Variants in ZNF746 observed in about 807,000 individuals in gnomAD.
ZNF746 encodes parkin-interacting substrate.
In ZNF746, 13 loss-of-function variants were observed where a neutral mutation model predicts 41.0. The observed-to-expected ratio is 0.32, with a 90% CI of 0.21 to 0.50. The LOEUF is 0.50. ZNF746 is among the 20% of genes least tolerant of loss of function. The pLI is 0.98. For missense variants in ZNF746, 811 were observed against 922.9 expected, an observed-to-expected ratio of 0.88 and a Z score of 1.57; for synonymous variants, 424 against 396.2, an observed-to-expected ratio of 1.07 and a Z score of -0.83.
At chr7:149,495,868 C>G (rs1330756125) in intron 1 of ZNF746, among the ~76,000 whole-genome samples, 1 of 152,188 alleles carries the variant, frequency 6.6e-6, no homozygotes, top group Non-Finnish European at 1.5e-5. Flanking sequence ...CTGGGAGATT[C>G]TGGACAAGCT....
intron 4 of ZNF746, among the ~76,000 whole-genome samples, chr7:149,481,001 G>A (rs1800469122): frequency 6.6e-6 from 1 of 152,148 alleles, no homozygotes; most frequent in Admixed American, 6.5e-5. Flanking sequence ...AGTGATTAAA[G>A]CAGGATAAAA....
rs182872140 is a variant in ZNF746 at position 149,497,132 on chromosome 7, C to A, written c.24+381G>T. The A allele has an allele frequency of 1.0e-6, 1 of 985,352 alleles. No homozygotes were observed. The allele number at this position is 985,352 out of a possible 1,614,324, so 61.0% of individuals were successfully genotyped here. ...CGGACACCTCCCAGGTGCCACCAGG[C>A]CGCTGCGGGGGAGATGGAGAGGGAC... is the stretch of plus-strand genomic sequence containing the variant. On this transcript the variant is annotated intron_variant, in intron 1 of 6. Coordinates refer to ENST00000458143, the MANE Select transcript of ZNF746 (RefSeq NM_001394198.1). The surrounding 1 kb of genome is among the most constrained non-coding windows in gnomAD (Gnocchi z 4.2).
At chr7:149,493,395 C>T (rs911727898) in intron 3 of ZNF746, among the ~76,000 whole-genome samples, 8 of 152,228 alleles carry the variant, frequency 5.3e-5, no homozygotes, top group African/African-American at 1.9e-4. Context: ...ACAGGTCTCA[C>T]TGCCCTCGGC....
Position 149,473,420 on chromosome 7 carries a change from A to G in ZNF746, c.*964T>C, listed in dbSNP as rs888531507. The G allele has an allele frequency of 6.6e-6, 1 of 152,252 alleles. No individual in the cohort carries two copies. Among genetic ancestry groups the G allele is most frequent in the African/African-American group, 2.4e-5 (1 of 41,466 alleles). 9.4% of individuals were successfully genotyped at this position (152,252 alleles called of 1,614,324 possible). A position where few individuals can be genotyped will look rare whatever the true frequency, so the allele number is the denominator to read the frequency against. On this transcript the variant is annotated 3_prime_UTR_variant, in exon 7 of 7. Coordinates refer to ENST00000458143, the MANE Select transcript of ZNF746 (RefSeq NM_001394198.1). ...CCCCTCTGAGCAGTTTGCACCTCTA[A>G]AAAGAAATCCCTGTCCTGCTGCTTC...
intron 5 of ZNF746, 30 bp from the exon 6 acceptor site, chr7:149,477,077 G>A: frequency 1.3e-6 from 2 of 1,599,200 alleles, no homozygotes; most frequent in South Asian, 1.1e-5. Context: ...GAGCCGGTGG[G>A]TTAGGGGACG....
At chr7:149,493,842 C>T in intron 3 of ZNF746, 147 bp downstream of exon 3, 1 of 1,342,466 alleles carries the variant, frequency 7.4e-7, no homozygotes, top group Non-Finnish European at 1.0e-6. Context: ...TCACCCAGGG[C>T]TCATCCTTCA....
rs1175065327 is a variant in ZNF746 at position 149,492,852 on chromosome 7, C to T, written c.565+7G>A. The T allele has an allele frequency of 6.2e-7, 1 of 1,605,088 alleles. No homozygotes were observed. The highest frequency in any genetic ancestry group is 1.1e-5 in the South Asian group (1 of 90,698). ...TGATGCCTCCCTGGCCTTCTCCCAGCCCTTACCTGGACTGGGGTCCACAGG... is the reference window on the plus strand; with the variant it reads ...TGATGCCTCCCTGGCCTTCTCCCAGTCCTTACCTGGACTGGGGTCCACAGG... On this transcript the variant is annotated splice_region_variant and intron_variant, in intron 4 of 6. Transcript: ENST00000458143.
chr7:149,475,155 T>C lies in ZNF746; in HGVS notation c.1212A>G (p.Pro404=). ...RWGWNFRCKP[P]VGLNPRTGPE... ...GCCCCGTCCTCGGGTTCAGGCCCAC[T>C]GGCGGTTTACACCGGAAATTCCAGC... is the stretch of plus-strand genomic sequence containing the variant. The change falls in exon 7 of 7, where the codon CCA becomes CCG. Residue 404 remains proline (P), a synonymous_variant. Transcript: ENST00000458143. 6.2e-7 allele frequency: 1 copy of C among 1,612,660 alleles called. No homozygotes were observed. The highest frequency in any genetic ancestry group is 8.5e-7 in the Non-Finnish European group (1 of 1,179,798).
chr7:149,482,467 G>GTTTT (rs35195599), intron 4 of ZNF746, among the ~76,000 whole-genome samples: 2 of 144,662 alleles, frequency 1.4e-5, no homozygotes, highest in African/African-American at 2.5e-5. Flanking sequence ...TAATTCTAAG[G>GTTTT]TTTTTTTTTT....
Position 149,475,293 on chromosome 7 carries a change from CACAGGGT to C in ZNF746, c.1067_1073del (p.Asp356GlyfsTer50). On this transcript the variant is annotated frameshift_variant, in exon 7 of 7. Coordinates refer to ENST00000458143, the MANE Select transcript of ZNF746 (RefSeq NM_001394198.1). LOFTEE classifies it low-confidence loss of function (END_TRUNC). ...GCCGGGCGGGCTCTCGCAGCCCCAG[CACAGGGT>C]CCTGGCTGGGGAAGGAGCTGCCCTG... The C allele has an allele frequency of 6.2e-7, 1 of 1,613,870 alleles. No individual in the cohort carries two copies. Among genetic ancestry groups the C allele is most frequent in the Non-Finnish European group, 8.5e-7 (1 of 1,179,950 alleles).
intron 6 of ZNF746, 137 bp from the exon 7 acceptor site, chr7:149,475,620 G>A (rs1393280587): frequency 2.9e-6 from 4 of 1,395,372 alleles, no homozygotes; most frequent in Non-Finnish European, 3.8e-6. Context: ...CCAGAGGGCA[G>A]CTCAGCAGAG....
chr7:149,477,956 G>A (rs928824245), intron 4 of ZNF746: 7 of 463,818 alleles, frequency 1.5e-5, no homozygotes, highest in African/African-American at 1.4e-4. Context: ...ATGCGGGTAG[G>A]GTAGGAAAGG....
chr7:149,484,950 A>T (rs1800578869), intron 4 of ZNF746, among the ~76,000 whole-genome samples: 1 of 152,112 alleles, frequency 6.6e-6, no homozygotes, highest in Non-Finnish European at 1.5e-5. Flanking sequence ...AAAGAAAACA[A>T]AAGAGGAAGA....
At chr7:149,492,381 T>C (rs1800833095) in intron 4 of ZNF746, among the ~76,000 whole-genome samples, 2 of 152,254 alleles carry the variant, frequency 1.3e-5, no homozygotes, top group Admixed American at 1.3e-4. Context: ...TAAGTATCAC[T>C]ATGTAACACA....
At chr7:149,486,241 A>C (rs1332122594) in intron 4 of ZNF746, among the ~76,000 whole-genome samples, 1 of 152,138 alleles carries the variant, frequency 6.6e-6, no homozygotes, top group African/African-American at 2.4e-5. Context: ...GGTGAGGATG[A>C]GGTGTGATTG....
In ZNF746 at chr7:149,497,181, G is replaced by A. The variant is rs1409456017; in HGVS notation, c.24+332C>T. 3.0e-6 allele frequency: 3 copies of A among 985,220 alleles called. No individual in the cohort carries two copies. The highest frequency in any genetic ancestry group is 6.1e-5 in the Admixed American group (1 of 16,266). The allele number at this position is 985,220 out of a possible 1,614,324, so 61.0% of individuals were successfully genotyped here. The stretch of plus-strand genomic sequence containing the variant: ...ACCTACAGGCCGAGCGCCAGGCAGA[G>A]AAAGGAGCCGCGGGTGGGGGGGCAC... On this transcript the variant is annotated intron_variant, in intron 1 of 6. Coordinates refer to ENST00000458143, the MANE Select transcript of ZNF746 (RefSeq NM_001394198.1). The surrounding 1 kb of genome is among the most constrained non-coding windows in gnomAD (Gnocchi z 4.2).
At chr7:149,490,228 C>T (rs1468392537) in intron 4 of ZNF746, 1 of 152,428 alleles carries the variant, frequency 6.6e-6, no homozygotes, top group Non-Finnish European at 1.5e-5. Context: ...CTGTTCTCAG[C>T]TGTGCACCAT....
In ZNF746 at chr7:149,497,517, G is replaced by A. The variant is rs1213385373; in HGVS notation, c.20C>T (p.Ala7Val). 7 of 1,102,402 alleles carry A rather than the reference G, an allele frequency of 6.3e-6. No homozygotes were observed. Among genetic ancestry groups the A allele is most frequent in the Non-Finnish European group, 7.7e-6 (7 of 907,704 alleles). 68.3% of individuals were successfully genotyped at this position (1,102,402 alleles called of 1,614,324 possible). Residue 7 changes from alanine (A) to valine (V), a missense_variant, in exon 1 of 7, where the codon GCT (alanine) becomes GTT (valine). Physicochemically the swap from Ala to Val is moderately conservative, Grantham distance 64. Coordinates refer to ENST00000458143, the MANE Select transcript of ZNF746 (RefSeq NM_001394198.1). The surrounding 1 kb of genome is among the most constrained non-coding windows in gnomAD (Gnocchi z 4.2). The stretch of plus-strand genomic sequence containing the variant: ...GCGCGCGCGGGTCGCCCTTACCGGA[G>A]CCGCGACCGCCTCGGCCATGGCCCT... MAEAVAAPISPWTMAAT... is the reference protein window; with the variant it reads MAEAVAVPISPWTMAAT...
At position 149,497,246 on chromosome 7, in the gene ZNF746, C is replaced by A. The variant is rs1298413874; in HGVS notation, c.24+267G>T. 1 of 984,392 alleles carries A rather than the reference C, an allele frequency of 1.0e-6. No homozygotes were observed. The highest frequency in any genetic ancestry group is 1.7e-5 in the African/African-American group (1 of 57,222). 61.0% of individuals were successfully genotyped at this position (984,392 alleles called of 1,614,324 possible). A position where few individuals can be genotyped will look rare whatever the true frequency, so the allele number is the denominator to read the frequency against. ...CAGCGGCTGGGGCGGGGGCAGGAAGCCCCGGAGGGCCCAAAGAACTTGGCG... is the reference window on the plus strand; with the variant it reads ...CAGCGGCTGGGGCGGGGGCAGGAAGACCCGGAGGGCCCAAAGAACTTGGCG... On this transcript the variant is annotated intron_variant, in intron 1 of 6. Transcript: ENST00000458143. This position sits in a 1 kb window ranked among gnomAD's most constrained non-coding sequence, Gnocchi z 4.2.
Sources: gnomAD v4.1 joint callset for allele counts (sites outside exome capture counted in the v4.1 genomes callset) on GRCh38, gnomAD v4.1.1 for gene constraint, Gnocchi (gnomAD v3.1) non-coding constraint, MANE v1.5 for transcripts, NCBI Gene and HGNC (gene_info 2026-07-23, HGNC 2026-07-21) for gene names.